NFIL3: variants seen among roughly 807,000 people sequenced by gnomAD.
The protein encoded by NFIL3 is nuclear factor, interleukin 3 regulated.
NFIL3 carries 5 observed loss-of-function variants against 10.0 expected under a neutral mutation model. The observed-to-expected ratio is 0.50, with a 90% CI of 0.26 to 1.06. The LOEUF (loss-of-function observed/expected upper bound fraction) is 1.06. Ranked by LOEUF, NFIL3 falls within the 50% of genes least tolerant of loss-of-function variation. The probability of loss-of-function intolerance (pLI) is 0.13; values close to 1 mark genes in which losing one functional copy is unlikely to be tolerated. For synonymous variants in NFIL3, 202 were observed against 206.5 expected (o/e 0.98, Z 0.19); for missense variants, 436 against 547.6 (o/e 0.80, Z 2.03).
At chr9:91,482,570 GCTCACTATAATCTCTGC>G in the NFIL3 span, among the ~76,000 whole-genome samples, 526 of 152,160 alleles carry the variant, frequency 3.5e-3, 2 homozygotes, top group African/African-American at 0.012. Flanking sequence ...TGCGATCTTG[GCTCACTATAATCTCTGC>G]CTCCCGGGTT....
chr9:91,454,482 C>G, the NFIL3 span, among the ~76,000 whole-genome samples: 1 of 151,904 alleles, frequency 6.6e-6, no homozygotes. Flanking sequence ...CATACATTTC[C>G]TTAGAAATTG....
chr9:91,411,228 T>A (rs1453897456), intron 1 of NFIL3, among the ~76,000 whole-genome samples: 1 of 152,042 alleles, frequency 6.6e-6, no homozygotes, highest in Non-Finnish European at 1.5e-5. Context: ...AATGGAGAAA[T>A]AGTTGGGTGT....
chr9:91,480,047 ACT>A, the NFIL3 span, among the ~76,000 whole-genome samples: 100 of 145,622 alleles, frequency 6.9e-4, 2 homozygotes, highest in East Asian at 0.016. Flanking sequence ...GAAATCACCC[ACT>A]CTCTGTGTTG....
At chr9:91,417,952 G>A (rs759517441) in intron 1 of NFIL3, among the ~76,000 whole-genome samples, 2 of 152,074 alleles carry the variant, frequency 1.3e-5, no homozygotes, top group African/African-American at 2.4e-5. Flanking sequence ...TTTCAAGTTC[G>A]ACAAAGGACT....
the NFIL3 span, among the ~76,000 whole-genome samples, chr9:91,478,690 G>A: frequency 2.6e-5 from 4 of 152,016 alleles, no homozygotes; most frequent in South Asian, 2.1e-4. Context: ...CCTTGCTGGC[G>A]AGGAGTTGTG....
At chr9:91,451,452 C>T in the NFIL3 span, among the ~76,000 whole-genome samples, 1 of 152,096 alleles carries the variant, frequency 6.6e-6, no homozygotes, top group African/African-American at 2.4e-5. Context: ...TGTTAATCAC[C>T]ACTAGGGCCT....
chr9:91,451,725 A>T, the NFIL3 span, among the ~76,000 whole-genome samples: 1 of 152,210 alleles, frequency 6.6e-6, no homozygotes, highest in Non-Finnish European at 1.5e-5. Flanking sequence ...TTGTCTTGTA[A>T]CACAACCACT....
At chr9:91,451,898 G>A in the NFIL3 span, among the ~76,000 whole-genome samples, 1 of 152,210 alleles carries the variant, frequency 6.6e-6, no homozygotes, top group Non-Finnish European at 1.5e-5. Context: ...AACAGTAATA[G>A]TCTAAATTGT....
chr9:91,437,277 T>C, the NFIL3 span, among the ~76,000 whole-genome samples: 90,087 of 152,166 alleles, frequency 0.59, 29,716 homozygotes, highest in Non-Finnish European at 0.73. Flanking sequence ...AATTTACCCA[T>C]GTAAAGTGCA....
chr9:91,450,728 A>G, the NFIL3 span, among the ~76,000 whole-genome samples: 1 of 152,156 alleles, frequency 6.6e-6, no homozygotes, highest in Non-Finnish European at 1.5e-5. Flanking sequence ...TAGTTAGTTT[A>G]TAGTGTTGTT....
upstream of NFIL3, among the ~76,000 whole-genome samples, chr9:91,425,896 G>A (rs1209355090): frequency 6.6e-6 from 1 of 152,092 alleles, no homozygotes; most frequent in Admixed American, 6.5e-5. Flanking sequence ...GCCTTTTTGG[G>A]GTCAGAAATG....
At chr9:91,468,113 C>T in the NFIL3 span, among the ~76,000 whole-genome samples, 1 of 152,210 alleles carries the variant, frequency 6.6e-6, no homozygotes, top group Non-Finnish European at 1.5e-5. Context: ...AATCACCACA[C>T]TGTCTTCCAC....
At chr9:91,462,607 TAAG>T in the NFIL3 span, among the ~76,000 whole-genome samples, 10 of 152,112 alleles carry the variant, frequency 6.6e-5, no homozygotes, top group Non-Finnish European at 1.2e-4. Flanking sequence ...AATGCTTTAT[TAAG>T]AAGTTTTATA....
At chr9:91,483,405 T>C in the NFIL3 span, among the ~76,000 whole-genome samples, 1 of 152,190 alleles carries the variant, frequency 6.6e-6, no homozygotes, top group Non-Finnish European at 1.5e-5. Flanking sequence ...CCCACATTTC[T>C]TCTGTCCCCA....
At chr9:91,480,124 T>C in the NFIL3 span, among the ~76,000 whole-genome samples, 1 of 150,424 alleles carries the variant, frequency 6.6e-6, no homozygotes, top group Non-Finnish European at 1.5e-5. Context: ...ACCTCCTGTA[T>C]TTTGTTCTCA....
At chr9:91,452,888 G>A in the NFIL3 span, among the ~76,000 whole-genome samples, 6 of 151,794 alleles carry the variant, frequency 4.0e-5, no homozygotes, top group Non-Finnish European at 7.4e-5. Flanking sequence ...CTTAACATTG[G>A]CAAAATAAAC....
chr9:91,409,991 C>G lies in NFIL3; in HGVS notation c.744G>C (p.Met248Ile), dbSNP rs868717626. The G allele has an allele frequency of 6.2e-7, 1 of 1,613,102 alleles. No homozygotes were observed. The highest frequency in any genetic ancestry group is 1.7e-5 in the Admixed American group (1 of 59,978). ...GTGAGTACCCAGAGAAAGAATTCCC[C>G]ATATAGTTTTGATAGATGGACGCTG... ...SYTASIYQNY[M>I]GNSFSGYSHS... Residue 248 changes from methionine (M) to isoleucine (I), a missense_variant, in exon 2 of 2, where the codon ATG (methionine) becomes ATC (isoleucine). Physicochemically the swap from Met to Ile is conservative, Grantham distance 10 (BLOSUM62 1). Coordinates refer to ENST00000297689, the MANE Select transcript of NFIL3 (RefSeq NM_005384.3).
At chr9:91,428,395 T>G (rs538238226), upstream of NFIL3, among the ~76,000 whole-genome samples, 1 of 152,296 alleles carries the variant, frequency 6.6e-6, no homozygotes, top group South Asian at 2.1e-4. Flanking sequence ...GACGTTATAG[T>G]TTTTAAGATT....
the NFIL3 span, among the ~76,000 whole-genome samples, chr9:91,460,945 T>C: frequency 6.6e-4 from 101 of 152,320 alleles, no homozygotes; most frequent in African/African-American, 2.4e-3. Flanking sequence ...GAATAGAAAT[T>C]AAATGCTACA....
Sources: allele counts gnomAD v4.1 joint callset (sites outside exome capture counted in the v4.1 genomes callset), GRCh38; gene constraint gnomAD v4.1.1; transcripts MANE v1.5; gene names NCBI Gene and HGNC (gene_info 2026-07-23, HGNC 2026-07-21).